The following KIF13A variants were observed in gnomAD, a reference collection of about 807,000 sequenced individuals.
KIF13A encodes kinesin-like protein KIF13A.
A neutral mutation model predicts 212.2 loss-of-function variants in KIF13A; 79 were observed. The ratio of observed to expected loss-of-function variants is 0.37; its 90% CI spans 0.31 to 0.45. The LOEUF is 0.45. KIF13A is among the 20% of genes least tolerant of loss of function. The pLI, the probability that KIF13A is intolerant of heterozygous loss-of-function variation, is 1.00. For synonymous variants in KIF13A, 789 were observed against 808.6 expected (o/e 0.98, Z 0.41); for missense variants, 1,901 against 2,209.0 (o/e 0.86, Z 2.79).
chr6:17,868,699 TTTCAAATGTAAAATAA>T, intron 4 of KIF13A, among the ~76,000 whole-genome samples: 1 of 151,860 alleles, frequency 6.6e-6, no homozygotes, highest in Non-Finnish European at 1.5e-5. Flanking sequence ...AGATAATATA[TTTCAAATGTAAAATAA>T]TTCCTGGCTG....
At chr6:17,946,718 T>G (rs550847215) in intron 2 of KIF13A, among the ~76,000 whole-genome samples, 87 of 152,356 alleles carry the variant, frequency 5.7e-4, no homozygotes, top group African/African-American at 2.0e-3. Flanking sequence ...AAGTTTAACA[T>G]GCACATATGC....
At chr6:17,877,557 T>A (rs966673173) in intron 3 of KIF13A, among the ~76,000 whole-genome samples, 7 of 152,214 alleles carry the variant, frequency 4.6e-5, no homozygotes, top group Admixed American at 2.0e-4. Flanking sequence ...TTTAATGGCA[T>A]CTTATAATAC....
intron 2 of KIF13A, among the ~76,000 whole-genome samples, chr6:17,903,443 T>A (rs1304492148): frequency 1.3e-5 from 2 of 152,158 alleles, no homozygotes; most frequent in Admixed American, 6.5e-5. Flanking sequence ...AGCTCAATAA[T>A]CTCAGGTATT....
intron 20 of KIF13A, among the ~76,000 whole-genome samples, chr6:17,802,567 G>A (rs2150335699): frequency 6.6e-6 from 1 of 152,230 alleles, no homozygotes; most frequent in Non-Finnish European, 1.5e-5. Context: ...TGGGATTACA[G>A]GCGTGAGCCA....
Position 17,831,170 on chromosome 6 carries a change from A to G in KIF13A, c.1332T>C (p.Asp444=). The part of the protein sequence containing the change: ...SLEMSGIKVG[D]DKCYLVNLNA... ...TCAGATTGACTAAGTAGCATTTGTCATCCCCCACCTTGATACCGGACATCT... is the reference window on the plus strand; with the variant it reads ...TCAGATTGACTAAGTAGCATTTGTCGTCCCCCACCTTGATACCGGACATCT... Residue 444 remains aspartate, a synonymous_variant, in exon 13 of 39, where the codon GAT becomes GAC. Coordinates refer to ENST00000259711, the MANE Select transcript of KIF13A (RefSeq NM_022113.6). 18 of 1,613,960 alleles carry G rather than the reference A, an allele frequency of 1.1e-5. No homozygotes were observed. The highest frequency in any genetic ancestry group is 5.9e-6 in the Non-Finnish European group (7 of 1,179,838).
chr6:17,770,971 C>A, intron 38 of KIF13A, 143 bp downstream of exon 38: 1 of 594,546 alleles, frequency 1.7e-6, no homozygotes, highest in East Asian at 3.0e-5. Flanking sequence ...TGCAAAATAT[C>A]ATTACCAATG....
intron 16 of KIF13A, among the ~76,000 whole-genome samples, chr6:17,819,549 G>A (rs1487008341): frequency 6.6e-6 from 1 of 152,014 alleles, no homozygotes; most frequent in East Asian, 1.9e-4. Flanking sequence ...GCAACAGAGT[G>A]AGACTCCATC....
rs532408734 is a variant in KIF13A at position 17,818,045 on chromosome 6, G to A, written c.1787-812C>T. On this transcript the variant is annotated intron_variant, in intron 16 of 38. Transcript: ENST00000259711. ...CTGTGGAGAAAGATCAAGGCTCTGG[G>A]TCACATGTACAAAAGGAGAAAGTTA... is the stretch of plus-strand genomic sequence containing the variant. 2.0e-4 allele frequency among the ~76,000 whole-genome samples: 31 copies of A among 152,314 alleles called. No homozygotes were observed. In the South Asian group the frequency reaches 6.4e-3, roughly 32 times the overall value.
chr6:17,890,189 A>C (rs1185702390), intron 3 of KIF13A, among the ~76,000 whole-genome samples: 3 of 8,524 alleles, frequency 3.5e-4, no homozygotes, highest in Admixed American at 1.9e-3. Flanking sequence ...ACTTCGTCTC[A>C]AAAAAAAAAA....
chr6:17,844,542 GT>G (rs1766837621), intron 9 of KIF13A, among the ~76,000 whole-genome samples: 1 of 152,168 alleles, frequency 6.6e-6, no homozygotes, highest in East Asian at 1.9e-4. Flanking sequence ...CCAAAGAAAG[GT>G]TTTATAATTA....
At chr6:17,960,909 C>T (rs556050043) in intron 2 of KIF13A, among the ~76,000 whole-genome samples, 1 of 152,084 alleles carries the variant, frequency 6.6e-6, no homozygotes. Flanking sequence ...TTTTTGAGCA[C>T]GAATTGAGTA....
At chr6:17,814,249 C>CT (rs34056148) in intron 17 of KIF13A, among the ~76,000 whole-genome samples, 35,997 of 89,200 alleles carry the variant, frequency 0.4, 8,103 homozygotes, top group East Asian at 0.56. Flanking sequence ...CAGTGCCCGG[C>CT]TTTTTTTTTT....
rs1368006111 is a variant in KIF13A at position 17,776,126 on chromosome 6, C to T, written c.4171-1064G>A. The stretch of plus-strand genomic sequence containing the variant: ...CTCCCAACCTCAGGTGATCTGCCCA[C>T]CTCAGCCTCCCAAAGTGCTGGGATT... On this transcript the variant is annotated intron_variant, in intron 34 of 38. Transcript: ENST00000259711. This position sits in a 1 kb window ranked among gnomAD's most constrained non-coding sequence, Gnocchi z 4.6. Among the ~76,000 whole-genome samples the T allele has an allele frequency of 6.6e-6, 1 of 152,180 alleles. No homozygotes were observed. Among genetic ancestry groups the T allele is most frequent in the East Asian group, 1.9e-4 (1 of 5,194 alleles).
chr6:17,793,660 C>T (rs1761793692), intron 25 of KIF13A, among the ~76,000 whole-genome samples: 1 of 151,840 alleles, frequency 6.6e-6, no homozygotes, highest in South Asian at 2.1e-4. Context: ...TGCCTGTAAT[C>T]CCTACACTTT....
At chr6:17,973,753 C>T (rs762149761) in intron 2 of KIF13A, among the ~76,000 whole-genome samples, 3 of 152,170 alleles carry the variant, frequency 2.0e-5, no homozygotes, top group Admixed American at 6.6e-5. Context: ...GGCACCCAGA[C>T]GTCTCACAGT....
At chr6:17,946,131 A>G (rs910061296) in intron 2 of KIF13A, among the ~76,000 whole-genome samples, 1 of 151,134 alleles carries the variant, frequency 6.6e-6, no homozygotes, top group Non-Finnish European at 1.5e-5. Context: ...TAACCCTTTA[A>G]AAAAAATAGG....
At position 17,951,592 on chromosome 6, in the gene KIF13A, C is replaced by T. The variant is rs1489685424; in HGVS notation, c.146+35462G>A. 6.6e-6 allele frequency among the ~76,000 whole-genome samples: 1 copy of T among 151,496 alleles called. No homozygotes were observed. Among genetic ancestry groups the T allele is most frequent in the Non-Finnish European group, 1.5e-5 (1 of 67,834 alleles). On this transcript the variant is annotated intron_variant, in intron 2 of 38. Transcript: ENST00000259711. The surrounding 1 kb of genome is among the most constrained non-coding windows in gnomAD (Gnocchi z 4.9). ...TCTCAATACCCCCCTCAAAAAATGC[C>T]ATATCCATCGGCAGTCACTCTCCAT... is the stretch of plus-strand genomic sequence containing the variant.
At chr6:17,832,980 C>G (rs1212549216) in intron 12 of KIF13A, among the ~76,000 whole-genome samples, 1 of 131,294 alleles carries the variant, frequency 7.6e-6, no homozygotes, top group Non-Finnish European at 1.6e-5. Flanking sequence ...CGCCACTGCA[C>G]TCCAGCCTGG....
intron 2 of KIF13A, among the ~76,000 whole-genome samples, chr6:17,975,469 G>A (rs987829164): frequency 2.0e-5 from 3 of 152,194 alleles, no homozygotes; most frequent in Non-Finnish European, 4.4e-5. Context: ...CAGACCTTCA[G>A]CGGTGAGCGT....
Sources: allele counts gnomAD v4.1 joint callset (sites outside exome capture counted in the v4.1 genomes callset), GRCh38; gene constraint gnomAD v4.1.1; non-coding constraint Gnocchi (gnomAD v3.1); transcripts MANE v1.5; gene names NCBI Gene and HGNC (gene_info 2026-07-23, HGNC 2026-07-21).